APP: variants seen among roughly 807,000 people sequenced by gnomAD.
APP encodes amyloid beta precursor protein, also known as amyloid-beta precursor protein.
APP carries 31 observed loss-of-function variants against 101.4 expected under a neutral mutation model. The ratio of observed to expected loss-of-function variants is 0.31; its 90% CI spans 0.23 to 0.41. The LOEUF is 0.41. APP is among the 10% of genes least tolerant of loss of function. The probability of loss-of-function intolerance (pLI) is 1.00; values close to 1 mark genes in which losing one functional copy is unlikely to be tolerated. For synonymous variants in APP, 366 were observed against 364.4 expected, an observed-to-expected ratio of 1.00 and a Z score of -0.05; for missense variants, 839 against 1,003.7, an observed-to-expected ratio of 0.84 and a Z score of 2.22.
At chr21:25,918,710 C>T (rs1402367898) in intron 13 of APP, among the ~76,000 whole-genome samples, 1 of 151,728 alleles carries the variant, frequency 6.6e-6, no homozygotes, top group African/African-American at 2.4e-5. Context: ...CTATATCCCA[C>T]ACCTGGCTCG....
intron 4 of APP, among the ~76,000 whole-genome samples, chr21:26,052,731 T>A (rs1357482912): frequency 6.6e-6 from 1 of 152,190 alleles, no homozygotes; most frequent in Non-Finnish European, 1.5e-5. Flanking sequence ...AAAAGCTACT[T>A]CACTGTTCTA....
chr21:25,911,275 G>A (rs2039056682), intron 14 of APP, among the ~76,000 whole-genome samples: 1 of 152,132 alleles, frequency 6.6e-6, no homozygotes, highest in Admixed American at 6.5e-5. Context: ...AAAATTAGAA[G>A]AATGTTATTG....
At chr21:25,952,152 A>G (rs1265237069) in intron 13 of APP, among the ~76,000 whole-genome samples, 1 of 151,610 alleles carries the variant, frequency 6.6e-6, no homozygotes, top group East Asian at 1.9e-4. Flanking sequence ...TACTTAAAAA[A>G]ACCCAACTAA....
intron 14 of APP, 75 bp downstream of exon 14, chr21:25,911,666 C>A (rs1052876710): frequency 7.5e-7 from 1 of 1,327,978 alleles, no homozygotes; most frequent in African/African-American, 1.5e-5. Context: ...AAAGATAACT[C>A]TCTCTCTTGC....
chr21:26,083,644 C>T (rs146841831), intron 3 of APP, among the ~76,000 whole-genome samples: 1 of 152,264 alleles, frequency 6.6e-6, no homozygotes, highest in Admixed American at 6.5e-5. Flanking sequence ...TGTCCATTAG[C>T]CTTGCTATTC....
intron 3 of APP, among the ~76,000 whole-genome samples, chr21:26,064,053 A>C (rs1178597969): frequency 2.6e-5 from 4 of 152,216 alleles, no homozygotes; most frequent in South Asian, 4.1e-4. Flanking sequence ...ACAGAGGGGA[A>C]TCCTACAAAT....
At chr21:26,154,177 C>A (rs2063331143) in intron 1 of APP, among the ~76,000 whole-genome samples, 1 of 152,246 alleles carries the variant, frequency 6.6e-6, no homozygotes, top group Admixed American at 6.5e-5. Flanking sequence ...ACACAATAAG[C>A]CTTCCAAAAC....
chr21:26,075,969 C>A (rs2061491114), intron 3 of APP, among the ~76,000 whole-genome samples: 1 of 152,184 alleles, frequency 6.6e-6, no homozygotes, highest in Admixed American at 6.5e-5. Context: ...TCTCGGCTCA[C>A]TGCAATCTCC....
intron 13 of APP, among the ~76,000 whole-genome samples, chr21:25,939,354 A>G (rs1169488879): frequency 1.3e-5 from 2 of 152,248 alleles, no homozygotes; most frequent in African/African-American, 4.8e-5. Flanking sequence ...ATGTCTGTCA[A>G]AAGACAGGCT....
chr21:26,010,448 T>C (rs955635692), intron 6 of APP, among the ~76,000 whole-genome samples: 6 of 152,160 alleles, frequency 3.9e-5, no homozygotes, highest in Admixed American at 2.0e-4. Context: ...CTTTTTCTTA[T>C]ACAATAAAAA....
At chr21:25,930,874 G>C (rs1275607544) in intron 13 of APP, among the ~76,000 whole-genome samples, 2 of 152,178 alleles carry the variant, frequency 1.3e-5, no homozygotes, top group African/African-American at 2.4e-5. Context: ...GGGAAACCAA[G>C]CCTGGCAACA....
intron 1 of APP, among the ~76,000 whole-genome samples, chr21:26,127,199 TA>T (rs35029493): frequency 0.61 from 91,403 of 149,266 alleles, 30,252 homozygotes; most frequent in African/African-American, 0.89. Context: ...AGCTTTCATT[TA>T]AAAAAAAAAA....
Position 26,112,264 on chromosome 21 carries a change from C to T in APP, c.58-118G>A. 5.5e-6 allele frequency: 6 copies of T among 1,089,690 alleles called. No individual in the cohort carries two copies. The South Asian group carries it at 7.7e-5, about 14-fold the overall frequency. 67.5% of individuals were successfully genotyped at this position (1,089,690 alleles called of 1,614,324 possible). Reference sequence around the variant, plus strand: ...TTCTTGCTCATTCTCAATTAGGAATCAGCCCGGTCTTCAACACTCCTTTAG... The same window carrying T: ...TTCTTGCTCATTCTCAATTAGGAATTAGCCCGGTCTTCAACACTCCTTTAG... On this transcript the variant is annotated intron_variant, in intron 1 of 17. Coordinates refer to ENST00000346798, the MANE Select transcript of APP (RefSeq NM_000484.4).
At chr21:26,052,675 A>G (rs2045885464) in intron 4 of APP, among the ~76,000 whole-genome samples, 1 of 152,214 alleles carries the variant, frequency 6.6e-6, no homozygotes, top group Non-Finnish European at 1.5e-5. Context: ...ACTGGATGGT[A>G]TAACTGAGAA....
intron 1 of APP, among the ~76,000 whole-genome samples, chr21:26,154,513 A>G (rs533560801): frequency 1.4e-4 from 22 of 152,322 alleles, no homozygotes; most frequent in African/African-American, 5.1e-4. Flanking sequence ...TGGTAACTCT[A>G]TTCATCCTAC....
At chr21:26,063,209 C>T (rs2830036) in intron 3 of APP, among the ~76,000 whole-genome samples, 25,844 of 151,994 alleles carry the variant, frequency 0.17, 2,775 homozygotes, top group Admixed American at 0.26. Flanking sequence ...AGGAAACATC[C>T]GGATGAACTT....
At chr21:26,062,792 T>C (rs2046324226) in intron 3 of APP, among the ~76,000 whole-genome samples, 7 of 152,218 alleles carry the variant, frequency 4.6e-5, no homozygotes, top group Admixed American at 4.6e-4. Context: ...AGAAAGAGTC[T>C]TACTCTGTCT....
At chr21:26,073,229 A>G (rs1029202422) in intron 3 of APP, among the ~76,000 whole-genome samples, 1 of 152,148 alleles carries the variant, frequency 6.6e-6, no homozygotes. Flanking sequence ...ATATTTTGCA[A>G]TATTTGGAAT....
chr21:26,130,600 G>A (rs1322521674), intron 1 of APP, among the ~76,000 whole-genome samples: 1 of 152,188 alleles, frequency 6.6e-6, no homozygotes, highest in Non-Finnish European at 1.5e-5. Context: ...TCCTCAAGAA[G>A]ACCTGTTTTA....
Sources: allele counts gnomAD v4.1 joint callset (sites outside exome capture counted in the v4.1 genomes callset), GRCh38; gene constraint gnomAD v4.1.1; transcripts MANE v1.5; gene names NCBI Gene and HGNC (gene_info 2026-07-23, HGNC 2026-07-21).